The following CSTPP1 variants were observed in gnomAD, a reference collection of about 807,000 sequenced individuals.
CSTPP1 encodes the protein centriolar satellite-associated tubulin polyglutamylase complex regulator 1.
chr11:47,063,030 T>A, the CSTPP1 span, among the ~76,000 whole-genome samples: 1 of 152,204 alleles, frequency 6.6e-6, no homozygotes, highest in East Asian at 1.9e-4. Context: ...TGGAGTTTGC[T>A]ACCATTGCTA....
the CSTPP1 span, among the ~76,000 whole-genome samples, chr11:47,007,800 A>T: frequency 2.6e-5 from 4 of 152,154 alleles, no homozygotes; most frequent in African/African-American, 7.2e-5. Context: ...TGGCCTGGGC[A>T]CTAGCAATCC....
At chr11:47,132,391 G>T in the CSTPP1 span, among the ~76,000 whole-genome samples, 3 of 152,152 alleles carry the variant, frequency 2.0e-5, no homozygotes, top group African/African-American at 7.2e-5. Flanking sequence ...TTAATTTCAG[G>T]ACTTCAAGTT....
At chr11:46,960,592 G>A in the CSTPP1 span, among the ~76,000 whole-genome samples, 1 of 152,176 alleles carries the variant, frequency 6.6e-6, no homozygotes, top group East Asian at 1.9e-4. Flanking sequence ...TGGGCGCGGT[G>A]GCTAACCCAG....
chr11:47,065,361 G>A, the CSTPP1 span, among the ~76,000 whole-genome samples: 2 of 151,952 alleles, frequency 1.3e-5, no homozygotes, highest in African/African-American at 4.8e-5. Context: ...CCTGGCTGGA[G>A]TGCAGTGGCA....
the CSTPP1 span, among the ~76,000 whole-genome samples, chr11:46,967,931 T>C: frequency 2.6e-5 from 4 of 152,068 alleles, no homozygotes; most frequent in East Asian, 1.9e-4. Flanking sequence ...TCTAAAAATT[T>C]AGAAAAGGGG....
At chr11:46,937,677 A>G in the CSTPP1 span, among the ~76,000 whole-genome samples, 3 of 152,078 alleles carry the variant, frequency 2.0e-5, no homozygotes, top group Non-Finnish European at 4.4e-5. Context: ...AGCTGGGACT[A>G]CAGGCGCCCG....
chr11:47,002,175 A>G, the CSTPP1 span, among the ~76,000 whole-genome samples: 19 of 149,608 alleles, frequency 1.3e-4, no homozygotes, highest in African/African-American at 4.5e-4. Context: ...CTGGTTTCCC[A>G]CAGACTCAGA....
chr11:47,053,671 G>A, the CSTPP1 span, among the ~76,000 whole-genome samples: 1 of 151,910 alleles, frequency 6.6e-6, no homozygotes, highest in Non-Finnish European at 1.5e-5. Flanking sequence ...GCTGGATGTG[G>A]TGGCTCACAC....
chr11:47,154,131 T>G, the CSTPP1 span, among the ~76,000 whole-genome samples: 2 of 152,114 alleles, frequency 1.3e-5, no homozygotes, highest in Non-Finnish European at 2.9e-5. Flanking sequence ...GAAGTGGGGT[T>G]TCACCATGTT....
the CSTPP1 span, among the ~76,000 whole-genome samples, chr11:47,058,263 G>A: frequency 6.6e-6 from 1 of 152,178 alleles, no homozygotes. Context: ...GGAAAGTTGA[G>A]GCTGCAGTGA....
At chr11:47,096,378 C>T in the CSTPP1 span, among the ~76,000 whole-genome samples, 1 of 152,162 alleles carries the variant, frequency 6.6e-6, no homozygotes, top group Non-Finnish European at 1.5e-5. Context: ...GCCCTGGTAA[C>T]CTCTATAACA....
At chr11:47,059,805 A>G in the CSTPP1 span, among the ~76,000 whole-genome samples, 1 of 152,204 alleles carries the variant, frequency 6.6e-6, no homozygotes, top group African/African-American at 2.4e-5. Flanking sequence ...CCTGTTTTAT[A>G]TGTTAAGACA....
the CSTPP1 span, among the ~76,000 whole-genome samples, chr11:47,115,287 TTC>T: frequency 6.6e-6 from 1 of 152,242 alleles, no homozygotes; most frequent in Non-Finnish European, 1.5e-5. Flanking sequence ...TGGTCTAAAA[TTC>T]TCTTTTTTTG....
the CSTPP1 span, among the ~76,000 whole-genome samples, chr11:47,103,222 A>T: frequency 1.4e-4 from 21 of 151,936 alleles, no homozygotes; most frequent in Non-Finnish European, 2.6e-4. Context: ...ACATAGTGAG[A>T]CCTCATCTCT....
chr11:47,031,307 C>A, the CSTPP1 span, among the ~76,000 whole-genome samples: 131 of 152,242 alleles, frequency 8.6e-4, no homozygotes, highest in Admixed American at 2.0e-3. Flanking sequence ...CAAGAACTCC[C>A]ATTAGCTTAA....
chr11:47,038,041 T>C, the CSTPP1 span, among the ~76,000 whole-genome samples: 1 of 102,974 alleles, frequency 9.7e-6, no homozygotes, highest in Non-Finnish European at 2.3e-5. Flanking sequence ...CACTTCCCAG[T>C]AGGGGCGGCC....
the CSTPP1 span, among the ~76,000 whole-genome samples, chr11:47,080,187 G>A: frequency 5.3e-5 from 8 of 152,222 alleles, no homozygotes; most frequent in African/African-American, 1.9e-4. Flanking sequence ...CGGGCGCGGT[G>A]GCTCACGCCT....
the CSTPP1 span, among the ~76,000 whole-genome samples, chr11:47,109,946 G>A: frequency 1.8e-4 from 27 of 152,280 alleles, no homozygotes; most frequent in African/African-American, 6.3e-4. Context: ...CCCATCTCCC[G>A]GTCTTTGCCC....
chr11:47,105,468 T>C, the CSTPP1 span, among the ~76,000 whole-genome samples: 1 of 152,064 alleles, frequency 6.6e-6, no homozygotes. Context: ...ACAACTGTAC[T>C]CCAGCATGGG....
Sources: allele counts gnomAD v4.1 joint callset (sites outside exome capture counted in the v4.1 genomes callset), GRCh38; gene constraint gnomAD v4.1.1; transcripts MANE v1.5; gene names NCBI Gene and HGNC (gene_info 2026-07-23, HGNC 2026-07-21).